The following BICC1 variants were observed in gnomAD, a reference collection of about 807,000 sequenced individuals.
BICC1 encodes the protein protein bicaudal C homolog 1.
A neutral mutation model predicts 111.0 loss-of-function variants in BICC1; 43 were observed. That is an observed-to-expected ratio of 0.39 (90% CI 0.30 to 0.50). The LOEUF is 0.50. BICC1 is among the 20% of genes least tolerant of loss of function. The probability of loss-of-function intolerance (pLI) is 0.88; values close to 1 mark genes in which losing one functional copy is unlikely to be tolerated. For synonymous variants in BICC1, 467 were observed against 434.4 expected, an observed-to-expected ratio of 1.07 and a Z score of -0.93; for missense variants, 1,091 against 1,203.2, an observed-to-expected ratio of 0.91 and a Z score of 1.38.
intron 1 of BICC1, among the ~76,000 whole-genome samples, chr10:58,601,038 A>G (rs2132071580): frequency 6.6e-6 from 1 of 150,442 alleles, no homozygotes; most frequent in Middle Eastern, 3.5e-3. Flanking sequence ...TTTTCTCACA[A>G]ATGGATAATT....
intron 1 of BICC1, among the ~76,000 whole-genome samples, chr10:58,517,098 T>A (rs1589053354): frequency 6.6e-6 from 1 of 152,156 alleles, no homozygotes; most frequent in Admixed American, 6.5e-5. Context: ...TTAAAAAAAA[T>A]TTCCCATATA....
chr10:58,689,309 C>T (rs1839846481), intron 2 of BICC1, among the ~76,000 whole-genome samples: 1 of 152,160 alleles, frequency 6.6e-6, no homozygotes, highest in African/African-American at 2.4e-5. Flanking sequence ...TTCTCAAAAG[C>T]TTCCATGAGA....
chr10:58,715,402 T>C (rs1840707898), intron 3 of BICC1, among the ~76,000 whole-genome samples: 1 of 152,224 alleles, frequency 6.6e-6, no homozygotes, highest in Middle Eastern at 3.2e-3. Flanking sequence ...ATGGGCTTAT[T>C]CTACACACAC....
At chr10:58,769,256 C>T (rs1842543643) in intron 3 of BICC1, among the ~76,000 whole-genome samples, 1 of 145,212 alleles carries the variant, frequency 6.9e-6, no homozygotes, top group South Asian at 2.3e-4. Flanking sequence ...TTGAAATTTG[C>T]TAACAGGGTA....
At chr10:58,645,837 G>T (rs1375314765) in intron 2 of BICC1, among the ~76,000 whole-genome samples, 1 of 152,220 alleles carries the variant, frequency 6.6e-6, no homozygotes, top group Non-Finnish European at 1.5e-5. Context: ...CATCTTGCCA[G>T]AAGCAGTTGC....
chr10:58,665,334 T>C (rs535097359), intron 2 of BICC1, among the ~76,000 whole-genome samples: 2 of 152,326 alleles, frequency 1.3e-5, no homozygotes, highest in South Asian at 4.1e-4. Context: ...ATAAGTATTC[T>C]GTATAATATT....
chr10:58,801,525 A>G (rs542978592), intron 14 of BICC1, among the ~76,000 whole-genome samples: 1 of 152,224 alleles, frequency 6.6e-6, no homozygotes, highest in East Asian at 1.9e-4. Flanking sequence ...TTATAAATAC[A>G]TAAGTTGTAT....
chr10:58,513,080 A>G lies in BICC1; in HGVS notation c.-64A>G. 8.1e-7 allele frequency: 1 copy of G among 1,239,850 alleles called. No homozygotes were observed. 76.8% of individuals were successfully genotyped at this position (1,239,850 alleles called of 1,614,324 possible). A position where few individuals can be genotyped will look rare whatever the true frequency, so the allele number is the denominator to read the frequency against. On this transcript the variant is annotated 5_prime_UTR_variant, in exon 1 of 21. Transcript: ENST00000373886. ...GGGAGCCAGTTGAGCCCGGCCGGCG[A>G]GCGGAGGCGGCAGCGCAGGCAGAGC...
chr10:58,787,964 G>A (rs1337958988), intron 5 of BICC1, among the ~76,000 whole-genome samples: 1 of 151,864 alleles, frequency 6.6e-6, no homozygotes, highest in Non-Finnish European at 1.5e-5. Flanking sequence ...TGTACCATCT[G>A]GTATGGAAAA....
intron 3 of BICC1, among the ~76,000 whole-genome samples, chr10:58,745,500 G>A (rs376739396): frequency 1.3e-5 from 2 of 151,736 alleles, no homozygotes; most frequent in East Asian, 1.9e-4. Flanking sequence ...AATTCCAGCA[G>A]TCATATCACT....
At chr10:58,769,404 G>GTATATATATATATATATATATATATA (rs59606054) in intron 3 of BICC1, among the ~76,000 whole-genome samples, 28 of 109,714 alleles carry the variant, frequency 2.6e-4, no homozygotes, top group Middle Eastern at 8.6e-3. Context: ...GTGTGTGTGT[G>GTATATATATATATATATATATATATA]TATATATATA....
intron 3 of BICC1, among the ~76,000 whole-genome samples, chr10:58,735,121 A>G (rs1841428507): frequency 6.6e-6 from 1 of 152,254 alleles, no homozygotes; most frequent in Non-Finnish European, 1.5e-5. Context: ...TTATACTACA[A>G]AAAGAGAAAA....
At chr10:58,523,523 T>C (rs938388639) in intron 1 of BICC1, among the ~76,000 whole-genome samples, 3 of 152,200 alleles carry the variant, frequency 2.0e-5, no homozygotes, top group Non-Finnish European at 4.4e-5. Flanking sequence ...CTAAAAACTC[T>C]CAATAAATTA....
At chr10:58,761,072 G>A (rs1310167865) in intron 3 of BICC1, among the ~76,000 whole-genome samples, 2 of 152,002 alleles carry the variant, frequency 1.3e-5, no homozygotes, top group African/African-American at 4.8e-5. Flanking sequence ...TGGCCAGGCT[G>A]GTCTTGAACT....
chr10:58,820,554 C>A, intron 20 of BICC1, 86 bp downstream of exon 20: 1 of 944,304 alleles, frequency 1.1e-6, no homozygotes, highest in Non-Finnish European at 1.7e-6. Context: ...TACCCATTAA[C>A]TGCTGGCTTA....
chr10:58,651,307 C>T (rs1285056698), intron 2 of BICC1, among the ~76,000 whole-genome samples: 1 of 152,212 alleles, frequency 6.6e-6, no homozygotes, highest in Non-Finnish European at 1.5e-5. Flanking sequence ...ACCCAGCACA[C>T]ACCACTATTG....
intron 2 of BICC1, among the ~76,000 whole-genome samples, chr10:58,627,119 G>A (rs372216285): frequency 1.3e-5 from 2 of 151,972 alleles, no homozygotes; most frequent in South Asian, 2.1e-4. Context: ...AAAAAAGTAT[G>A]TTCAATGATA....
chr10:58,800,943 G>A lies in BICC1; in HGVS notation c.1912G>A (p.Gly638Arg), dbSNP rs1438344139. 1.9e-6 allele frequency: 3 copies of A among 1,609,392 alleles called. No homozygotes were observed. In the African/African-American group the frequency reaches 4.0e-5, roughly 22 times the overall value. ...VGMPRSPSHS[G>R]NAGDLKQMMC... The stretch of plus-strand genomic sequence containing the variant: ...CATGCCTCGAAGTCCTTCCCATTCT[G>A]GGAATGCTGGTGACTTGAAACAGAT... The change falls in exon 14 of 21, where the codon GGG becomes AGG. Residue 638 changes from glycine to arginine, a missense_variant. By Grantham distance (125) the Gly-to-Arg change is moderately radical. Coordinates refer to ENST00000373886, the MANE Select transcript of BICC1 (RefSeq NM_001080512.3).
chr10:58,617,141 A>G (rs1845641388), intron 1 of BICC1, among the ~76,000 whole-genome samples: 2 of 152,262 alleles, frequency 1.3e-5, no homozygotes, highest in African/African-American at 4.8e-5. Flanking sequence ...GCGCTCCAGT[A>G]TTCACTGTTA....
Sources: gnomAD v4.1 joint callset for allele counts (sites outside exome capture counted in the v4.1 genomes callset) on GRCh38, gnomAD v4.1.1 for gene constraint, MANE v1.5 for transcripts, NCBI Gene and HGNC (gene_info 2026-07-23, HGNC 2026-07-21) for gene names.